Variants in RASAL2 observed in about 807,000 individuals in gnomAD.
The protein encoded by RASAL2 is ras GTPase-activating protein nGAP.
A neutral mutation model predicts 128.9 loss-of-function variants in RASAL2; 58 were observed. That is an observed-to-expected ratio of 0.45 (90% CI 0.36 to 0.56). The LOEUF (loss-of-function observed/expected upper bound fraction) is 0.56, where lower values mean the gene tolerates loss of function less well. RASAL2 is among the 20% of genes least tolerant of loss of function. RASAL2 has a pLI of 0.00. For missense variants in RASAL2, 1,360 were observed against 1,601.6 expected, an observed-to-expected ratio of 0.85 and a Z score of 2.57; for synonymous variants, 561 against 580.8, an observed-to-expected ratio of 0.97 and a Z score of 0.49.
intron 1 of RASAL2, among the ~76,000 whole-genome samples, chr1:178,265,714 T>C (rs1557864903): frequency 6.6e-6 from 1 of 152,210 alleles, no homozygotes; most frequent in Admixed American, 6.5e-5. Flanking sequence ...ATCTGTGTAA[T>C]TTATACCCTG....
intron 1 of RASAL2, among the ~76,000 whole-genome samples, chr1:178,219,886 A>G (rs1013116148): frequency 2.6e-5 from 4 of 151,922 alleles, no homozygotes; most frequent in East Asian, 1.9e-4. Context: ...GTGACCTCCA[A>G]TGTTGGAGGT....
At chr1:178,403,635 A>T (rs1673788392) in intron 4 of RASAL2, among the ~76,000 whole-genome samples, 1 of 152,204 alleles carries the variant, frequency 6.6e-6, no homozygotes, top group African/African-American at 2.4e-5. Flanking sequence ...GTGGAAAAAG[A>T]TAATATTAGA....
At position 178,299,990 on chromosome 1, in the gene RASAL2, A is replaced by G. The variant is rs1335619756; in HGVS notation, c.331-2A>G. Reference sequence around the variant, plus strand: ...TTTTATCTTTTGCTTTTGATTAACTAGATACCTGTGGAAGGGGGACAGGAG... The same window carrying G: ...TTTTATCTTTTGCTTTTGATTAACTGGATACCTGTGGAAGGGGGACAGGAG... On this transcript the variant is annotated splice_acceptor_variant, in intron 2 of 17. Coordinates refer to ENST00000367649, the MANE Select transcript of RASAL2 (RefSeq NM_170692.4). LOFTEE classifies it high-confidence loss of function. 2.5e-6 allele frequency: 4 copies of G among 1,612,734 alleles called. No individual in the cohort carries two copies. The African/African-American group carries it at 4.0e-5, about 16-fold the overall frequency.
chr1:178,469,406 C>T (rs1648057210), intron 17 of RASAL2, among the ~76,000 whole-genome samples: 1 of 152,070 alleles, frequency 6.6e-6, no homozygotes, highest in Admixed American at 6.5e-5. Flanking sequence ...AGATTTCTAC[C>T]CCACCCCCTA....
At chr1:178,374,226 C>T (rs1167343695) in intron 3 of RASAL2, among the ~76,000 whole-genome samples, 1 of 152,082 alleles carries the variant, frequency 6.6e-6, no homozygotes, top group Non-Finnish European at 1.5e-5. Context: ...TGTGATAGTT[C>T]GAGGATTAAG....
intron 3 of RASAL2, among the ~76,000 whole-genome samples, chr1:178,333,503 A>G (rs757582325): frequency 6.0e-5 from 9 of 150,628 alleles, no homozygotes; most frequent in Non-Finnish European, 1.0e-4. Context: ...TTTGGGAGTT[A>G]TTTATATCCT....
chr1:178,402,198 T>A lies in RASAL2; in HGVS notation c.564+11992T>A, dbSNP rs187063483. Among the ~76,000 whole-genome samples, 3 of 152,162 alleles carry A rather than the reference T, an allele frequency of 2.0e-5. No homozygotes were observed. The East Asian group carries it at 5.8e-4, about 29-fold the overall frequency. On this transcript the variant is annotated intron_variant, in intron 4 of 17. Coordinates refer to ENST00000367649, the MANE Select transcript of RASAL2 (RefSeq NM_170692.4). ...TGGGAGGCCAAGGTGGGCAGATCAC[T>A]TGAGGTCAGAAGTTCGAGACCAGCC...
intron 4 of RASAL2, among the ~76,000 whole-genome samples, chr1:178,409,099 G>C (rs1432446110): frequency 6.6e-6 from 1 of 152,156 alleles, no homozygotes; most frequent in Non-Finnish European, 1.5e-5. Flanking sequence ...GAGCAAGCGG[G>C]GAACTGCCAT....
chr1:178,402,087 CA>C (rs1673663571), intron 4 of RASAL2, among the ~76,000 whole-genome samples: 1 of 152,056 alleles, frequency 6.6e-6, no homozygotes, highest in Non-Finnish European at 1.5e-5. Context: ...AAATATTACA[CA>C]AATATTTTAA....
chr1:178,252,394 C>T (rs907526077), intron 1 of RASAL2, among the ~76,000 whole-genome samples: 4 of 151,976 alleles, frequency 2.6e-5, no homozygotes, highest in Non-Finnish European at 5.9e-5. Flanking sequence ...AGCAGTATGG[C>T]AATATGAACA....
intron 2 of RASAL2, among the ~76,000 whole-genome samples, chr1:178,288,990 CACTTGTACCTCCAG>C (rs765821358): frequency 3.2e-4 from 48 of 152,238 alleles, no homozygotes; most frequent in Non-Finnish European, 6.3e-4. Flanking sequence ...GTATTAACCT[CACTTGTACCTCCAG>C]ATACCACCCC....
At chr1:178,315,671 C>T (rs1181462810) in intron 3 of RASAL2, among the ~76,000 whole-genome samples, 5 of 145,200 alleles carry the variant, frequency 3.4e-5, no homozygotes, top group African/African-American at 8.2e-5. Flanking sequence ...TTTGAGTTCA[C>T]TGTAGATTCT....
chr1:178,143,657 A>T (rs1660615775), intron 1 of RASAL2, among the ~76,000 whole-genome samples: 1 of 152,120 alleles, frequency 6.6e-6, no homozygotes, highest in Admixed American at 6.6e-5. Context: ...ATAGAAAAAG[A>T]TATACACGAG....
At chr1:178,389,831 A>T (rs1264994237) in intron 3 of RASAL2, among the ~76,000 whole-genome samples, 1 of 152,252 alleles carries the variant, frequency 6.6e-6, no homozygotes, top group Non-Finnish European at 1.5e-5. Flanking sequence ...ACTTAAAGAT[A>T]TTAAACATAG....
At chr1:178,111,012 A>C (rs959135384) in intron 1 of RASAL2, among the ~76,000 whole-genome samples, 1 of 152,112 alleles carries the variant, frequency 6.6e-6, no homozygotes, top group African/African-American at 2.4e-5. Context: ...AATTTATGGA[A>C]GGTCAACTGT....
chr1:178,112,770 GA>G (rs1271762365), intron 1 of RASAL2, among the ~76,000 whole-genome samples: 1 of 122,104 alleles, frequency 8.2e-6, no homozygotes, highest in Admixed American at 8.6e-5. Flanking sequence ...GGGGAGGGAG[GA>G]GGGGGGAGGG....
At chr1:178,111,095 G>A (rs1054271251) in intron 1 of RASAL2, among the ~76,000 whole-genome samples, 3 of 152,108 alleles carry the variant, frequency 2.0e-5, no homozygotes, top group African/African-American at 7.2e-5. Context: ...CATCCATGTT[G>A]TTGCATGTAT....
At chr1:178,413,381 TG>T (rs1212200997) in intron 4 of RASAL2, among the ~76,000 whole-genome samples, 1 of 151,978 alleles carries the variant, frequency 6.6e-6, no homozygotes, top group African/African-American at 2.4e-5. Context: ...CTAAGTGGGG[TG>T]GGTGGGGTGA....
intron 3 of RASAL2, among the ~76,000 whole-genome samples, chr1:178,346,384 G>A (rs1022592499): frequency 6.7e-6 from 1 of 150,286 alleles, no homozygotes; most frequent in African/African-American, 2.5e-5. Flanking sequence ...CTGGGTGACA[G>A]AGCAAAACCT....
Sources: allele counts gnomAD v4.1 joint callset (sites outside exome capture counted in the v4.1 genomes callset), GRCh38; gene constraint gnomAD v4.1.1; transcripts MANE v1.5; gene names NCBI Gene and HGNC (gene_info 2026-07-23, HGNC 2026-07-21).